The following SYNE1 variants were observed in gnomAD, a reference collection of about 807,000 sequenced individuals.
The protein encoded by SYNE1 is spectrin repeat containing nuclear envelope protein 1, also known as nesprin-1.
Under a neutral mutation model 1,111.0 loss-of-function variants are expected in SYNE1, and 616 were observed. The observed-to-expected ratio is 0.55, with a 90% CI of 0.52 to 0.59. The LOEUF is 0.59. Among genes scored for constraint, SYNE1 ranks in the 20% least tolerant of loss-of-function variants. The pLI is 0.00. For synonymous variants in SYNE1, 3,855 were observed against 3,825.8 expected, an observed-to-expected ratio of 1.01 and a Z score of -0.28; for missense variants, 10,006 against 10,417.0, an observed-to-expected ratio of 0.96 and a Z score of 1.72.
intron 36 of SYNE1, among the ~76,000 whole-genome samples, chr6:152,429,151 G>A (rs947721256): frequency 6.6e-6 from 1 of 151,326 alleles, no homozygotes; most frequent in South Asian, 2.1e-4. Flanking sequence ...GGCAGGCCCT[G>A]CATTACCTGC....
Position 152,330,247 on chromosome 6 carries a change from T to G in SYNE1, c.14438A>C (p.Glu4813Ala). The change falls in exon 78 of 146, where the codon GAG becomes GCG. Residue 4813 changes from glutamate (E) to alanine (A), a missense_variant. By Grantham distance (107) the Glu-to-Ala change is moderately radical. Coordinates refer to ENST00000367255, the MANE Select transcript of SYNE1 (RefSeq NM_182961.4). ...CAGGGAGTGATACATTTTGAGCTTC[T>G]CCTCTGCAGGCAGCGTTTCCTCATT... Reference protein sequence around the residue: ...KVNEETLPAEEKLKMYHSLAG... With the variant: ...KVNEETLPAEAKLKMYHSLAG... The G allele has an allele frequency of 6.2e-7, 1 of 1,614,186 alleles. No individual in the cohort carries two copies. The highest frequency in any genetic ancestry group is 8.5e-7 in the Non-Finnish European group (1 of 1,180,044).
intron 28 of SYNE1, among the ~76,000 whole-genome samples, chr6:152,448,502 T>C (rs1157422323): frequency 1.3e-5 from 2 of 152,180 alleles, no homozygotes; most frequent in East Asian, 3.9e-4. Context: ...ATGCATACCA[T>C]GATATTGAGC....
chr6:152,175,328 C>G (rs1472179265), intron 130 of SYNE1, among the ~76,000 whole-genome samples: 1 of 152,150 alleles, frequency 6.6e-6, no homozygotes, highest in African/African-American at 2.4e-5. Flanking sequence ...AGAAATATAT[C>G]CAATGTTTTC....
chr6:152,283,561 G>A (rs751412900), intron 96 of SYNE1, among the ~76,000 whole-genome samples: 4 of 152,174 alleles, frequency 2.6e-5, no homozygotes, highest in Non-Finnish European at 5.9e-5. Context: ...TTTTGAGACA[G>A]AGTCTCGCTC....
chr6:152,283,708 T>C (rs2094161300), intron 96 of SYNE1, among the ~76,000 whole-genome samples: 1 of 152,112 alleles, frequency 6.6e-6, no homozygotes, highest in Admixed American at 6.5e-5. Flanking sequence ...GGCTCATTTT[T>C]ATATTTTTAG....
intron 92 of SYNE1, among the ~76,000 whole-genome samples, chr6:152,301,009 A>T (rs1055645145): frequency 2.0e-5 from 3 of 152,362 alleles, no homozygotes; most frequent in African/African-American, 7.2e-5. Flanking sequence ...TGCATATGAC[A>T]TTGAAGTTTT....
chr6:152,332,135 C>T (rs565560449), intron 77 of SYNE1, among the ~76,000 whole-genome samples: 2 of 152,028 alleles, frequency 1.3e-5, no homozygotes, highest in Admixed American at 6.6e-5. Context: ...CCACCATGCT[C>T]GGCTAATTTT....
chr6:152,281,950 T>G lies in SYNE1; in HGVS notation c.18238A>C (p.Arg6080=). 6.2e-7 allele frequency: 1 copy of G among 1,614,138 alleles called. No homozygotes were observed. The highest frequency in any genetic ancestry group is 8.5e-7 in the Non-Finnish European group (1 of 1,180,028). ...EKLNDQLEEQ[R]QEQALQRYRC... is the part of the protein sequence containing the mutation. ...TACCTCTGCAGGGCCTGTTCCTGCC[T>G]TTGTTCCTCCAGCTGATCATTCAAC... The change falls in exon 97 of 146, where the codon AGG becomes CGG. Residue 6080 remains arginine, a synonymous_variant. Transcript: ENST00000367255.
intron 119 of SYNE1, 61 bp downstream of exon 119, chr6:152,220,781 A>T: frequency 6.7e-7 from 1 of 1,489,160 alleles, no homozygotes; most frequent in Non-Finnish European, 9.4e-7. Context: ...ACAGACCAAA[A>T]GCTAAACTTG....
chr6:152,148,254 T>C lies in SYNE1; in HGVS notation c.24767A>G (p.Asn8256Ser), dbSNP rs772647694. The change falls in exon 137 of 146, where the codon AAT becomes AGT. Residue 8256 changes from asparagine (N) to serine (S), a missense_variant. Physicochemically the swap from Asn to Ser is conservative, Grantham distance 46. This residue lies in a region of SYNE1 where 761 missense variants were observed against 795.5 expected (regional missense o/e 0.96). Transcript: ENST00000367255. The surrounding 1 kb of genome is among the most constrained non-coding windows in gnomAD (Gnocchi z 4.1). ...GGGCTGAGCGAGCGAGAGGGAGAGA[T>C]TGGAGGAAGGCTGTGGAGAAAGCAG... ...DSLLSPQPSS[N>S]LSLSLAQPLR... is the part of the protein sequence containing the mutation. 4 of 1,613,478 alleles carry C rather than the reference T, an allele frequency of 2.5e-6. No individual in the cohort carries two copies. The highest frequency in any genetic ancestry group is 1.1e-5 in the South Asian group (1 of 91,010).
chr6:152,579,681 C>T (rs2099512940), intron 3 of SYNE1, among the ~76,000 whole-genome samples: 1 of 152,140 alleles, frequency 6.6e-6, no homozygotes, highest in South Asian at 2.1e-4. Flanking sequence ...TATCCTCTAC[C>T]CTCAAGTAGA....
At chr6:152,624,556 T>C (rs2099682192) in intron 3 of SYNE1, among the ~76,000 whole-genome samples, 1 of 152,206 alleles carries the variant, frequency 6.6e-6, no homozygotes, top group South Asian at 2.1e-4. Flanking sequence ...AGAAAATGTA[T>C]GTACTAATTA....
At chr6:152,315,737 T>C (rs2095699693) in intron 87 of SYNE1, 1 of 152,236 alleles carries the variant, frequency 6.6e-6, no homozygotes, top group African/African-American at 2.4e-5. Flanking sequence ...CAGTGGTAAC[T>C]TAAGTCCTGT....
intron 44 of SYNE1, among the ~76,000 whole-genome samples, chr6:152,408,354 A>G (rs1346038194): frequency 6.6e-6 from 1 of 152,216 alleles, no homozygotes; most frequent in Admixed American, 6.5e-5. Context: ...TAAAACCCAA[A>G]GATGTAAATT....
At chr6:152,366,056 G>A (rs567428103) in intron 62 of SYNE1, among the ~76,000 whole-genome samples, 66 of 152,214 alleles carry the variant, frequency 4.3e-4, no homozygotes, top group Admixed American at 1.1e-3. Flanking sequence ...GGTTTTGCCC[G>A]GACGCGGTGG....
At chr6:152,350,520 C>G in intron 71 of SYNE1, 98 bp downstream of exon 71, 1 of 1,548,632 alleles carries the variant, frequency 6.5e-7, no homozygotes, top group Non-Finnish European at 8.9e-7. Context: ...AAAATACTAA[C>G]CCGTACCAGG....
intron 10 of SYNE1, among the ~76,000 whole-genome samples, chr6:152,501,958 T>G (rs1450127147): frequency 6.6e-6 from 1 of 152,192 alleles, no homozygotes; most frequent in Non-Finnish European, 1.5e-5. Context: ...AAATATTGTA[T>G]GTATCTGCCA....
At chr6:152,417,873 T>A (rs370895278) in intron 40 of SYNE1, among the ~76,000 whole-genome samples, 4 of 152,280 alleles carry the variant, frequency 2.6e-5, no homozygotes, top group South Asian at 4.1e-4. Flanking sequence ...ACAATTTCTA[T>A]CCACAAAATC....
chr6:152,475,160 C>A (rs1462053643), intron 14 of SYNE1, among the ~76,000 whole-genome samples: 1 of 152,084 alleles, frequency 6.6e-6, no homozygotes, highest in Non-Finnish European at 1.5e-5. Flanking sequence ...ACATGTCAGG[C>A]AAATACTAAG....
Sources: allele counts gnomAD v4.1 joint callset (sites outside exome capture counted in the v4.1 genomes callset), GRCh38; gene constraint gnomAD v4.1.1; regional missense constraint gnomAD v4.1.1; non-coding constraint Gnocchi (gnomAD v3.1); transcripts MANE v1.5; gene names NCBI Gene and HGNC (gene_info 2026-07-23, HGNC 2026-07-21).